TNS3: variants seen among roughly 807,000 people sequenced by gnomAD.
TNS3 encodes tensin 3, also known as tensin-3.
In TNS3, 45 loss-of-function variants were observed where a neutral mutation model predicts 140.9. The ratio of observed to expected loss-of-function variants is 0.32; its 90% CI spans 0.25 to 0.41. The LOEUF is 0.41. Among genes scored for constraint, TNS3 ranks in the 10% least tolerant of loss-of-function variants. The pLI is 1.00. For synonymous variants in TNS3, 815 were observed against 788.4 expected, an observed-to-expected ratio of 1.03 and a Z score of -0.56; for missense variants, 1,716 against 1,906.7, an observed-to-expected ratio of 0.90 and a Z score of 1.86.
intron 28 of TNS3, among the ~76,000 whole-genome samples, chr7:47,282,238 C>T (rs1421559270): frequency 6.7e-6 from 1 of 150,138 alleles, no homozygotes; most frequent in Non-Finnish European, 1.5e-5. Context: ...CACCATGCAG[C>T]TGAGCCATAC....
intron 16 of TNS3, among the ~76,000 whole-genome samples, chr7:47,388,561 T>G (rs1361438299): frequency 6.6e-6 from 1 of 152,154 alleles, no homozygotes; most frequent in Non-Finnish European, 1.5e-5. Flanking sequence ...ACAGCTCCTC[T>G]GGACTCTAAG....
intron 1 of TNS3, among the ~76,000 whole-genome samples, chr7:47,534,677 AAGG>A (rs1799539076): frequency 6.6e-6 from 1 of 152,180 alleles, no homozygotes; most frequent in Non-Finnish European, 1.5e-5. Flanking sequence ...ATATACATTT[AAGG>A]TACTGTTATT....
chr7:47,446,472 CTT>C (rs1264094477), intron 4 of TNS3, among the ~76,000 whole-genome samples: 2 of 152,086 alleles, frequency 1.3e-5, no homozygotes, highest in Non-Finnish European at 2.9e-5. Context: ...CTTTTGTTCT[CTT>C]GTTTTCCAGG....
chr7:47,575,394 C>T (rs1800651735), intron 1 of TNS3, among the ~76,000 whole-genome samples: 1 of 152,194 alleles, frequency 6.6e-6, no homozygotes, highest in Non-Finnish European at 1.5e-5. Flanking sequence ...ATATGAACCT[C>T]TGTGGAGGTG....
intron 2 of TNS3, among the ~76,000 whole-genome samples, chr7:47,524,794 G>A (rs1339297550): frequency 9.2e-6 from 1 of 109,240 alleles, no homozygotes; most frequent in Non-Finnish European, 1.7e-5. Flanking sequence ...GGGCGACAGA[G>A]CGAGACTCCG....
intron 2 of TNS3, among the ~76,000 whole-genome samples, chr7:47,525,287 A>C (rs1274561222): frequency 3.3e-5 from 5 of 152,206 alleles, no homozygotes; most frequent in Admixed American, 3.3e-4. Flanking sequence ...GGAAAGCATC[A>C]TTACCAACAG....
At chr7:47,438,477 G>A (rs540498542) in intron 6 of TNS3, among the ~76,000 whole-genome samples, 74 of 152,338 alleles carry the variant, frequency 4.9e-4, no homozygotes, top group African/African-American at 1.7e-3. Context: ...AGTGATGAAG[G>A]AGGAAGCCCT....
intron 20 of TNS3, among the ~76,000 whole-genome samples, chr7:47,309,408 A>G (rs1217131067): frequency 6.6e-6 from 1 of 152,164 alleles, no homozygotes; most frequent in East Asian, 1.9e-4. Context: ...CAAAAAAAAA[A>G]TATGCTATGA....
chr7:47,398,603 C>T (rs13229200), intron 15 of TNS3, among the ~76,000 whole-genome samples: 4,100 of 152,230 alleles, frequency 0.027, 97 homozygotes, highest in Non-Finnish European at 0.038. Flanking sequence ...GTGAAAAAGG[C>T]ATTCGATAAA....
At chr7:47,503,301 T>C (rs758150809) in intron 3 of TNS3, among the ~76,000 whole-genome samples, 1 of 152,090 alleles carries the variant, frequency 6.6e-6, no homozygotes, top group Non-Finnish European at 1.5e-5. Flanking sequence ...AGGATTCCCA[T>C]GCCTCCATCT....
intron 9 of TNS3, 68 bp from the exon 10 acceptor site, chr7:47,424,252 G>C: frequency 6.6e-7 from 1 of 1,525,130 alleles, no homozygotes; most frequent in South Asian, 1.1e-5. Context: ...ACTTGACGGG[G>C]GATGTGTCTC....
intron 2 of TNS3, among the ~76,000 whole-genome samples, chr7:47,507,868 G>T (rs999989875): frequency 1.3e-5 from 2 of 152,200 alleles, no homozygotes; most frequent in Admixed American, 6.5e-5. Flanking sequence ...TGGGAGGAGG[G>T]AAAGAGACCT....
intron 15 of TNS3, among the ~76,000 whole-genome samples, chr7:47,397,848 A>G (rs1188248944): frequency 6.6e-6 from 1 of 152,226 alleles, no homozygotes; most frequent in Admixed American, 6.5e-5. Context: ...TGCAGAACTA[A>G]ATGAAATTGA....
At chr7:47,530,334 A>G (rs1342417507) in intron 1 of TNS3, among the ~76,000 whole-genome samples, 1 of 152,216 alleles carries the variant, frequency 6.6e-6, no homozygotes, top group African/African-American at 2.4e-5. Context: ...CCCAACGCAA[A>G]GCACACAGAG....
At chr7:47,477,861 T>TG (rs926779795) in intron 4 of TNS3, among the ~76,000 whole-genome samples, 3 of 152,056 alleles carry the variant, frequency 2.0e-5, no homozygotes, top group African/African-American at 7.2e-5. Context: ...CTCCGCTAAA[T>TG]GGGGGGGTCT....
At chr7:47,461,209 C>G (rs1796477284) in intron 4 of TNS3, among the ~76,000 whole-genome samples, 1 of 152,202 alleles carries the variant, frequency 6.6e-6, no homozygotes, top group Admixed American at 6.5e-5. Flanking sequence ...GAAGCTGAAC[C>G]AGGCTGAGCA....
intron 16 of TNS3, among the ~76,000 whole-genome samples, chr7:47,373,117 T>C (rs1791174143): frequency 6.6e-6 from 1 of 152,168 alleles, no homozygotes; most frequent in African/African-American, 2.4e-5. Flanking sequence ...ACCGTTCCTA[T>C]CCTGTTTTCT....
intron 10 of TNS3, among the ~76,000 whole-genome samples, chr7:47,420,875 C>A (rs533979704): frequency 2.6e-5 from 4 of 152,202 alleles, no homozygotes; most frequent in Non-Finnish European, 5.9e-5. Flanking sequence ...GCTGGTAACT[C>A]GGATACCTTC....
In TNS3 at chr7:47,317,015, GATAA is replaced by G. The variant is rs371530469; in HGVS notation, c.2651-12016_2651-12013del. ...AAAAATGATGAAAAACCCACAAATG[GATAA>G]ATAAATACTTTCTTGGTGTTGAATC... On this transcript the variant is annotated intron_variant, in intron 20 of 30. Transcript: ENST00000311160. 1.8e-4 allele frequency among the ~76,000 whole-genome samples: 27 copies of G among 152,234 alleles called. 1 individual carries two copies. The highest frequency in any genetic ancestry group is 5.8e-4 in the African/African-American group (24 of 41,544).
Sources: gnomAD v4.1 joint callset for allele counts (sites outside exome capture counted in the v4.1 genomes callset) on GRCh38, gnomAD v4.1.1 for gene constraint, MANE v1.5 for transcripts, NCBI Gene and HGNC (gene_info 2026-07-23, HGNC 2026-07-21) for gene names.